Variants in CYTH3 observed in about 807,000 individuals in gnomAD.
CYTH3 encodes cytohesin 3.
CYTH3 carries 23 observed loss-of-function variants against 55.1 expected under a neutral mutation model. That is an observed-to-expected ratio of 0.42 (90% CI 0.30 to 0.59). The LOEUF is 0.59. Ranked by LOEUF, CYTH3 falls within the 20% of genes least tolerant of loss-of-function variation. The probability of loss-of-function intolerance (pLI) is 0.20; values close to 1 mark genes in which losing one functional copy is unlikely to be tolerated. For missense variants in CYTH3, 413 were observed against 524.8 expected (o/e 0.79, Z 2.08); for synonymous variants, 249 against 194.9 (o/e 1.28, Z -2.31).
At chr7:6,204,348 G>A (rs1015652394) in intron 1 of CYTH3, among the ~76,000 whole-genome samples, 2 of 152,190 alleles carry the variant, frequency 1.3e-5, no homozygotes, top group African/African-American at 4.8e-5. Flanking sequence ...AAGTAAAGCA[G>A]AGTTTAGAAA....
At chr7:6,245,064 C>T (rs1456014722) in intron 1 of CYTH3, among the ~76,000 whole-genome samples, 2 of 148,754 alleles carry the variant, frequency 1.3e-5, no homozygotes, top group African/African-American at 4.9e-5. Flanking sequence ...CATGATCCAC[C>T]CGCCCCGGCC....
Position 6,164,912 on chromosome 7 carries a change from G to A in CYTH3, c.*32C>T, listed in dbSNP as rs754342959. 79 of 1,613,520 alleles carry A rather than the reference G, an allele frequency of 4.9e-5. No homozygotes were observed. The South Asian group carries it at 8.0e-4, about 16-fold the overall frequency. ...CCGCGGTGTCTTTCTGCTGGGGTTG[G>A]GTCTTTTACCTGGGTCTTTTAGCCA... is the stretch of plus-strand genomic sequence containing the variant. On this transcript the variant is annotated 3_prime_UTR_variant, in exon 13 of 13. Coordinates refer to ENST00000350796, the MANE Select transcript of CYTH3 (RefSeq NM_004227.4).
chr7:6,219,020 A>C (rs942472316), intron 1 of CYTH3, among the ~76,000 whole-genome samples: 6 of 150,856 alleles, frequency 4.0e-5, no homozygotes, highest in Non-Finnish European at 7.4e-5. Context: ...AAAAAAAAAA[A>C]AAAAAAACTG....
At position 6,215,361 on chromosome 7, in the gene CYTH3, C is replaced by T. The variant is rs549419035; in HGVS notation, c.35-24830G>A. ...ATCCCAGAACTTTGGGATGCCGAGG[C>T]GGGCGGATCACGAGGTCAGGAGATC... On this transcript the variant is annotated intron_variant, in intron 1 of 12. Coordinates refer to ENST00000350796, the MANE Select transcript of CYTH3 (RefSeq NM_004227.4). Among the ~76,000 whole-genome samples the T allele has an allele frequency of 1.8e-4, 28 of 152,206 alleles. No individual in the cohort carries two copies. In the East Asian group the frequency reaches 4.1e-3, roughly 22 times the overall value.
intron 1 of CYTH3, among the ~76,000 whole-genome samples, chr7:6,218,036 A>G (rs2128550763): frequency 6.6e-6 from 1 of 152,136 alleles, no homozygotes; most frequent in African/African-American, 2.4e-5. Context: ...TACAAAAATT[A>G]GCCAGGTATG....
intron 6 of CYTH3, chr7:6,172,708 C>A: frequency 8.9e-7 from 1 of 1,126,676 alleles, no homozygotes; most frequent in Non-Finnish European, 1.1e-6. Flanking sequence ...AAGGGCCGCA[C>A]CAGACACCCC....
intron 1 of CYTH3, among the ~76,000 whole-genome samples, chr7:6,193,632 T>C (rs1366718187): frequency 6.6e-6 from 1 of 152,228 alleles, no homozygotes; most frequent in African/African-American, 2.4e-5. Flanking sequence ...GGCTCTGGCT[T>C]CACTACGTAA....
intron 1 of CYTH3, among the ~76,000 whole-genome samples, chr7:6,208,518 C>T (rs1015879382): frequency 6.6e-6 from 1 of 151,636 alleles, no homozygotes; most frequent in Admixed American, 6.6e-5. Flanking sequence ...GTACTTCATT[C>T]CAATCATTCA....
Position 6,170,617 on chromosome 7 carries a change from T to G in CYTH3, c.741A>C (p.Pro247=). 1 of 1,613,964 alleles carries G rather than the reference T, an allele frequency of 6.2e-7. No individual in the cohort carries two copies. The highest frequency in any genetic ancestry group is 8.5e-7 in the Non-Finnish European group (1 of 1,179,902). Residue 247 remains proline (P), a synonymous_variant, in exon 9 of 13, where the codon CCA becomes CCC. Transcript: ENST00000350796. The surrounding 1 kb of genome is among the most constrained non-coding windows in gnomAD (Gnocchi z 7.8). ...RNLYESIKNE[P]FKIPEDDGND... ...TCCCGTCGTCCTCCGGGATCTTAAA[T>G]GGCTCGTTCTTAATGCTCTCATACA...
At chr7:6,210,067 A>G (rs1784290272) in intron 1 of CYTH3, among the ~76,000 whole-genome samples, 1 of 152,190 alleles carries the variant, frequency 6.6e-6, no homozygotes, top group Non-Finnish European at 1.5e-5. Context: ...CAGGACCCCA[A>G]GGACCCCAAA....
chr7:6,165,674 C>T (rs1418263419), intron 10 of CYTH3, 58 bp from the exon 11 acceptor site: 16 of 1,612,768 alleles, frequency 9.9e-6, no homozygotes, highest in East Asian at 2.2e-5. Context: ...GAGGGTCCCT[C>T]GGCCCCAGGG....
At position 6,167,469 on chromosome 7, in the gene CYTH3, C is replaced by G. The variant is rs1783045421; in HGVS notation, c.824-1659G>C. Reference sequence around the variant, plus strand: ...ACATCCGTCACTGTCACGGTCGCCTCTGCTTCCCTCCAGAGACTCCAGAGC... The same window carrying G: ...ACATCCGTCACTGTCACGGTCGCCTGTGCTTCCCTCCAGAGACTCCAGAGC... On this transcript the variant is annotated intron_variant, in intron 9 of 12. Coordinates refer to ENST00000350796, the MANE Select transcript of CYTH3 (RefSeq NM_004227.4). The surrounding 1 kb of genome is among the most constrained non-coding windows in gnomAD (Gnocchi z 5.5). Among the ~76,000 whole-genome samples, 1 of 152,266 alleles carries G rather than the reference C, an allele frequency of 6.6e-6. No homozygotes were observed. Among genetic ancestry groups the G allele is most frequent in the South Asian group, 2.1e-4 (1 of 4,832 alleles).
intron 6 of CYTH3, chr7:6,172,725 A>G (rs1783233673): frequency 5.2e-6 from 6 of 1,163,542 alleles, no homozygotes; most frequent in Non-Finnish European, 6.5e-6. Flanking sequence ...CCCCTCCCAG[A>G]CTCACCAGGC....
chr7:6,233,444 G>A (rs1337509486), intron 1 of CYTH3, among the ~76,000 whole-genome samples: 8 of 152,020 alleles, frequency 5.3e-5, no homozygotes, highest in African/African-American at 1.9e-4. Flanking sequence ...ATCACGAGGT[G>A]AGGAGATCGA....
In CYTH3 at chr7:6,170,263, G is replaced by C; in HGVS notation, c.823+272C>G. 2.1e-6 allele frequency: 1 copy of C among 470,442 alleles called. No homozygotes were observed. Among genetic ancestry groups the C allele is most frequent in the Non-Finnish European group, 3.8e-6 (1 of 265,454 alleles). 29.1% of individuals were successfully genotyped at this position (470,442 alleles called of 1,614,324 possible). On this transcript the variant is annotated intron_variant, in intron 9 of 12. Coordinates refer to ENST00000350796, the MANE Select transcript of CYTH3 (RefSeq NM_004227.4). The surrounding 1 kb of genome is among the most constrained non-coding windows in gnomAD (Gnocchi z 7.8). ...TGCTTCTCGTGCAGGAAGCTGCCCT[G>C]GCTGGATCTGGATGCTAACTCAGCA... is the stretch of plus-strand genomic sequence containing the variant.
At chr7:6,187,386 A>G (rs1388123338) in intron 3 of CYTH3, among the ~76,000 whole-genome samples, 1 of 152,216 alleles carries the variant, frequency 6.6e-6, no homozygotes, top group Non-Finnish European at 1.5e-5. Context: ...GCAGGCAGGT[A>G]ATTTCTGTGC....
chr7:6,268,026 T>C (rs879312673), intron 1 of CYTH3, among the ~76,000 whole-genome samples: 8 of 152,174 alleles, frequency 5.3e-5, no homozygotes, highest in African/African-American at 1.9e-4. Context: ...TCAGTTCCCA[T>C]CATCTTCCCC....
rs573282554 is a variant in CYTH3 at position 6,191,731 on chromosome 7, T to C, written c.35-1200A>G. ...CCAGGGAAGGACTTCTTAAACAAGA[T>C]AGACAAAATATAAATCACAAAGGAA... On this transcript the variant is annotated intron_variant, in intron 1 of 12. Coordinates refer to ENST00000350796, the MANE Select transcript of CYTH3 (RefSeq NM_004227.4). Among the ~76,000 whole-genome samples the C allele has an allele frequency of 1.4e-3, 219 of 151,776 alleles. 2 individuals are homozygous for C. Among genetic ancestry groups the C allele is most frequent in the Admixed American group, 2.1e-3 (32 of 15,154 alleles).
At chr7:6,254,105 C>A (rs1340638379) in intron 1 of CYTH3, among the ~76,000 whole-genome samples, 3 of 151,994 alleles carry the variant, frequency 2.0e-5, no homozygotes, top group African/African-American at 7.2e-5. Flanking sequence ...TCACGTGAAC[C>A]CGGGAGACGG....
Sources: allele counts gnomAD v4.1 joint callset (sites outside exome capture counted in the v4.1 genomes callset), GRCh38; gene constraint gnomAD v4.1.1; non-coding constraint Gnocchi (gnomAD v3.1); transcripts MANE v1.5; gene names NCBI Gene and HGNC (gene_info 2026-07-23, HGNC 2026-07-21).